MGAT4C: variants seen among roughly 807,000 people sequenced by gnomAD.
MGAT4C encodes MGAT4 family member C, also known as alpha-1,3-mannosyl-glycoprotein 4-beta-N-acetylglucosaminyltransferase C.
MGAT4C carries 19 observed loss-of-function variants against 40.1 expected under a neutral mutation model. The observed-to-expected ratio is 0.47, with a 90% CI of 0.33 to 0.70. MGAT4C has a LOEUF of 0.70. Among genes scored for constraint, MGAT4C ranks in the 30% least tolerant of loss-of-function variants. MGAT4C has a pLI of 0.02. For missense variants in MGAT4C, 491 were observed against 563.2 expected (o/e 0.87, Z 1.30); for synonymous variants, 181 against 187.1 (o/e 0.97, Z 0.27).
At chr12:86,122,323 C>T (rs888005412) in intron 1 of MGAT4C, among the ~76,000 whole-genome samples, 1 of 152,058 alleles carries the variant, frequency 6.6e-6, no homozygotes, top group Non-Finnish European at 1.5e-5. Flanking sequence ...TACTTTCTTT[C>T]AACATCCTAA....
intron 1 of MGAT4C, among the ~76,000 whole-genome samples, chr12:86,774,351 C>CTTTT (rs1565981755): frequency 3.1e-4 from 10 of 31,766 alleles, no homozygotes; most frequent in Non-Finnish European, 6.2e-4. Context: ...GTCTCTCTCT[C>CTTTT]TCCCCTCTCT....
chr12:86,512,067 A>C (rs2136349217), intron 2 of MGAT4C, among the ~76,000 whole-genome samples: 1 of 152,288 alleles, frequency 6.6e-6, no homozygotes, highest in African/African-American at 2.4e-5. Context: ...CAAGAAAAAA[A>C]GGACAAAACA....
At chr12:86,598,636 A>C (rs1961635663) in intron 2 of MGAT4C, among the ~76,000 whole-genome samples, 1 of 152,108 alleles carries the variant, frequency 6.6e-6, no homozygotes, top group Non-Finnish European at 1.5e-5. Flanking sequence ...CTGTTTCAAC[A>C]ATTATCATAT....
At position 86,731,446 on chromosome 12, in the gene MGAT4C, A is replaced by G. The variant is rs74610744; in HGVS notation, c.-261-4205T>C. On this transcript the variant is annotated intron_variant, in intron 1 of 7. Transcript: ENST00000548651. ...TCCAGGGACACTGACCTAAAATAGTAATTTTTCAAAATCAAGCCATTCTCT... is the reference window on the plus strand; with the variant it reads ...TCCAGGGACACTGACCTAAAATAGTGATTTTTCAAAATCAAGCCATTCTCT... 6.2e-3 allele frequency among the ~76,000 whole-genome samples: 947 copies of G among 152,206 alleles called. 21 individuals carry two copies. Among genetic ancestry groups the G allele is most frequent in the Non-Finnish European group, 4.8e-3 (326 of 68,000 alleles).
At position 86,042,452 on chromosome 12, in the gene MGAT4C, T is replaced by C. The variant is rs186398032; in HGVS notation, c.-7+7222A>G. Among the ~76,000 whole-genome samples, 397 of 152,330 alleles carry C rather than the reference T, an allele frequency of 2.6e-3. 1 individual carries two copies. Among genetic ancestry groups the C allele is most frequent in the African/African-American group, 9.1e-3 (379 of 41,572 alleles). ...GTTTTTGTTGTATCTGGTTGCAGTC[T>C]TTCCTATCCATATTTGGCACTACCT... On this transcript the variant is annotated intron_variant, in intron 2 of 4. Transcript: ENST00000611864.
intron 2 of MGAT4C, among the ~76,000 whole-genome samples, chr12:86,626,464 A>G (rs1007716986): frequency 6.6e-6 from 1 of 152,180 alleles, no homozygotes; most frequent in South Asian, 2.1e-4. Context: ...ATTTTATTAA[A>G]CAACTTATGC....
intron 3 of MGAT4C, among the ~76,000 whole-genome samples, chr12:86,381,037 T>TAGAAACTG (rs1371315837): frequency 6.6e-6 from 1 of 152,042 alleles, no homozygotes; most frequent in African/African-American, 2.4e-5. Context: ...CACCCAGACA[T>TAGAAACTG]AGAAACTGAC....
intron 4 of MGAT4C, among the ~76,000 whole-genome samples, chr12:86,320,264 C>A (rs2136160886): frequency 6.6e-6 from 1 of 152,166 alleles, no homozygotes; most frequent in East Asian, 1.9e-4. Flanking sequence ...TTTGCAACAG[C>A]CAGTAACCCA....
intron 1 of MGAT4C, among the ~76,000 whole-genome samples, chr12:86,186,693 C>A (rs570043794): frequency 2.0e-5 from 3 of 152,218 alleles, no homozygotes; most frequent in South Asian, 4.1e-4. Flanking sequence ...TTGCCTAAAA[C>A]CATATTCCAC....
Position 86,307,411 on chromosome 12 carries a change from T to A in MGAT4C, c.-57+26654A>T, listed in dbSNP as rs191689956. On this transcript the variant is annotated intron_variant, in intron 4 of 7. Coordinates refer to the MGAT4C transcript ENST00000548651. The stretch of plus-strand genomic sequence containing the variant: ...ATATAGTGGATTTAAAATAAATGTT[T>A]GTGGAAGAAAAGGATGGAGAGATGC... Among the ~76,000 whole-genome samples the A allele has an allele frequency of 3.8e-4, 57 of 150,586 alleles. 5 individuals carry two copies. The highest frequency in any genetic ancestry group is 1.4e-3 in the African/African-American group (56 of 40,064).
At chr12:86,466,302 T>G (rs1286296360) in intron 2 of MGAT4C, among the ~76,000 whole-genome samples, 3 of 152,130 alleles carry the variant, frequency 2.0e-5, no homozygotes, top group Non-Finnish European at 1.5e-5. Flanking sequence ...TGACCTTCAG[T>G]AGGTTTATGG....
chr12:86,272,035 A>G (rs2136108744), intron 4 of MGAT4C, among the ~76,000 whole-genome samples: 1 of 150,284 alleles, frequency 6.7e-6, no homozygotes, highest in Non-Finnish European at 1.5e-5. Flanking sequence ...AACTGGTTAA[A>G]GGGTATAAAC....
intron 2 of MGAT4C, among the ~76,000 whole-genome samples, chr12:86,501,753 G>C (rs1443622649): frequency 6.6e-6 from 1 of 151,928 alleles, no homozygotes. Flanking sequence ...ATTGATGGGG[G>C]TTTGGGTTGA....
chr12:86,544,465 T>A (rs1437351948), intron 2 of MGAT4C, among the ~76,000 whole-genome samples: 1 of 152,178 alleles, frequency 6.6e-6, no homozygotes. Flanking sequence ...TTATCTAATG[T>A]TTCTGAAAGT....
chr12:86,032,715 T>G (rs1890872916), intron 2 of MGAT4C, among the ~76,000 whole-genome samples: 1 of 149,664 alleles, frequency 6.7e-6, no homozygotes, highest in African/African-American at 2.4e-5. Flanking sequence ...TTTTTGGTTG[T>G]TTGTTTAACT....
At chr12:86,321,734 A>T (rs1299720255) in intron 4 of MGAT4C, among the ~76,000 whole-genome samples, 2 of 152,174 alleles carry the variant, frequency 1.3e-5, no homozygotes, top group Non-Finnish European at 2.9e-5. Flanking sequence ...CAGGTGCTGG[A>T]GAAGATGTGG....
chr12:86,659,436 C>A (rs770474737), intron 2 of MGAT4C, among the ~76,000 whole-genome samples: 4 of 151,976 alleles, frequency 2.6e-5, no homozygotes, highest in Non-Finnish European at 2.9e-5. Context: ...AAAATGGGAA[C>A]GACAGTAAAT....
chr12:86,663,929 G>C (rs2136552729), intron 2 of MGAT4C, among the ~76,000 whole-genome samples: 1 of 152,222 alleles, frequency 6.6e-6, no homozygotes, highest in Admixed American at 6.5e-5. Flanking sequence ...TTATTTGGAG[G>C]GGTAAGTTGC....
At chr12:86,755,941 C>A (rs986454848) in intron 1 of MGAT4C, among the ~76,000 whole-genome samples, 19 of 151,832 alleles carry the variant, frequency 1.3e-4, no homozygotes, top group African/African-American at 4.4e-4. Context: ...AGTCACCACA[C>A]CAGGTCTAGT....
Sources: allele counts gnomAD v4.1 joint callset (sites outside exome capture counted in the v4.1 genomes callset), GRCh38; gene constraint gnomAD v4.1.1; transcripts MANE v1.5; gene names NCBI Gene and HGNC (gene_info 2026-07-23, HGNC 2026-07-21).